CMTM4: variants seen among roughly 807,000 people sequenced by gnomAD.
The protein encoded by CMTM4 is CKLF-like MARVEL transmembrane domain-containing protein 4.
A neutral mutation model predicts 19.0 loss-of-function variants in CMTM4; 8 were observed. The observed-to-expected ratio is 0.42, with a 90% CI of 0.25 to 0.76. The LOEUF is 0.76. Ranked by LOEUF, CMTM4 falls within the 30% of genes least tolerant of loss-of-function variation. The pLI is 0.27. For missense variants in CMTM4, 228 were observed against 290.2 expected (o/e 0.79, Z 1.56); for synonymous variants, 106 against 121.1 (o/e 0.88, Z 0.82).
downstream of CMTM4, chr16:66,613,349 A>G (rs1365350543): frequency 1.7e-5 from 9 of 533,334 alleles, no homozygotes; most frequent in Non-Finnish European, 3.4e-6. Flanking sequence ...CAGAGGGTAC[A>G]ACAGTGGCAT....
intron 1 of CMTM4, among the ~76,000 whole-genome samples, chr16:66,680,818 A>G (rs2016901216): frequency 7.4e-6 from 1 of 135,538 alleles, no homozygotes; most frequent in Admixed American, 7.9e-5. Flanking sequence ...GGCCACCTCC[A>G]CCTCTTAACT....
chr16:66,688,123 A>G (rs897123897), intron 1 of CMTM4, among the ~76,000 whole-genome samples: 2 of 152,160 alleles, frequency 1.3e-5, no homozygotes, highest in South Asian at 2.1e-4. Context: ...GTGTCCTCAC[A>G]TGGCAGAATG....
chr16:66,627,988 CAT>C (rs1335179791), intron 2 of CMTM4, among the ~76,000 whole-genome samples: 1 of 152,150 alleles, frequency 6.6e-6, no homozygotes, highest in African/African-American at 2.4e-5. Context: ...GCAAAAAAAA[CAT>C]GTGAGCAAAG....
chr16:66,690,969 T>C (rs1016002911), intron 1 of CMTM4, among the ~76,000 whole-genome samples: 3 of 150,982 alleles, frequency 2.0e-5, no homozygotes, highest in African/African-American at 7.3e-5. Context: ...AAAAAAAAAA[T>C]AGCAGGGCAT....
At chr16:66,631,975 C>T (rs1245672695) in intron 2 of CMTM4, among the ~76,000 whole-genome samples, 1 of 152,204 alleles carries the variant, frequency 6.6e-6, no homozygotes, top group African/African-American at 2.4e-5. Flanking sequence ...CAAGACGAGT[C>T]ACGCCCTAGG....
In CMTM4 at chr16:66,618,782, G is replaced by T; in HGVS notation, c.*3276C>A. ...TCAACTGAGTCACGAAGCTGTCCCA[G>T]AAGCACCCGACATAGGGTGGAGGTC... On this transcript the variant is annotated 3_prime_UTR_variant, in exon 4 of 4. Transcript: ENST00000394106. 1.0e-6 allele frequency: 1 copy of T among 985,484 alleles called. No individual in the cohort carries two copies. Among genetic ancestry groups the T allele is most frequent in the Middle Eastern group, 5.2e-4 (1 of 1,914 alleles). 61.0% of individuals were successfully genotyped at this position (985,484 alleles called of 1,614,324 possible). A position where few individuals can be genotyped will look rare whatever the true frequency, so the allele number is the denominator to read the frequency against.
intron 1 of CMTM4, among the ~76,000 whole-genome samples, chr16:66,694,016 A>C (rs1486516774): frequency 6.6e-6 from 1 of 151,862 alleles, no homozygotes; most frequent in African/African-American, 2.4e-5. Flanking sequence ...AGTTAGACCC[A>C]GTGTTTAAAA....
intron 1 of CMTM4, among the ~76,000 whole-genome samples, chr16:66,645,211 G>C (rs1393077556): frequency 6.6e-6 from 1 of 152,020 alleles, no homozygotes; most frequent in Non-Finnish European, 1.5e-5. Flanking sequence ...TTGAACCTGG[G>C]AGGCGGAGGT....
downstream of CMTM4, chr16:66,612,867 T>G: frequency 1.6e-6 from 1 of 610,044 alleles, no homozygotes; most frequent in Non-Finnish European, 2.9e-6. The surrounding 1 kb of genome is among the most constrained non-coding windows in gnomAD (Gnocchi z 6.0). Flanking sequence ...GGTATCCCAC[T>G]CCTTCTCCCC....
intron 2 of CMTM4, among the ~76,000 whole-genome samples, chr16:66,627,051 G>A (rs569597207): frequency 3.3e-5 from 5 of 152,092 alleles, no homozygotes; most frequent in South Asian, 4.2e-4. Context: ...TGCAGTGAGC[G>A]GAGACTGCGC....
intron 1 of CMTM4, among the ~76,000 whole-genome samples, chr16:66,691,387 G>C (rs1178774979): frequency 6.6e-6 from 1 of 152,104 alleles, no homozygotes; most frequent in East Asian, 1.9e-4. Flanking sequence ...CCAACTAAGA[G>C]ATACGTACAG....
chr16:66,649,117 C>T (rs1031748212), intron 1 of CMTM4, among the ~76,000 whole-genome samples: 2 of 152,186 alleles, frequency 1.3e-5, no homozygotes, highest in Non-Finnish European at 2.9e-5. Flanking sequence ...GCAGGAGGAT[C>T]GCCTGTGCCC....
chr16:66,693,159 G>A (rs938355922), intron 1 of CMTM4, among the ~76,000 whole-genome samples: 1 of 152,118 alleles, frequency 6.6e-6, no homozygotes, highest in African/African-American at 2.4e-5. Context: ...AGGAGGCGGA[G>A]ATTGCAGTTA....
At chr16:66,658,864 C>T (rs1567420037) in intron 1 of CMTM4, among the ~76,000 whole-genome samples, 2 of 152,110 alleles carry the variant, frequency 1.3e-5, no homozygotes, top group Non-Finnish European at 1.5e-5. Context: ...TTAAAGCCAC[C>T]GATGCGGAAT....
chr16:66,633,104 T>TATATATATATATAA (rs957560916), intron 2 of CMTM4, among the ~76,000 whole-genome samples: 2 of 24,800 alleles, frequency 8.1e-5, no homozygotes, highest in African/African-American at 9.9e-5. Flanking sequence ...TATATATAAA[T>TATATATATATATAA]ATATATATAT....
chr16:66,639,469 T>G (rs1596921533), intron 1 of CMTM4, among the ~76,000 whole-genome samples: 1 of 150,594 alleles, frequency 6.6e-6, no homozygotes, highest in Admixed American at 6.6e-5. Flanking sequence ...AAAGGAGTTG[T>G]TTTTTTTTAA....
chr16:66,694,765 A>G lies in CMTM4; in HGVS notation c.186+1575T>C, dbSNP rs79639575. The stretch of plus-strand genomic sequence containing the variant: ...TTGCACACCTCCCTTCACCTCCTAC[A>G]TTCTCTTTGCTAACAGCAACGCCAA... On this transcript the variant is annotated intron_variant, in intron 1 of 3. Coordinates refer to ENST00000394106, the MANE Select transcript of CMTM4 (RefSeq NM_181521.3). Among the ~76,000 whole-genome samples the G allele has an allele frequency of 9.4e-3, 1,431 of 151,744 alleles. 75 individuals are homozygous for G. In the East Asian group the frequency reaches 0.15, roughly 16 times the overall value.
chr16:66,687,396 T>C (rs1185264137), intron 1 of CMTM4, among the ~76,000 whole-genome samples: 1 of 152,190 alleles, frequency 6.6e-6, no homozygotes, highest in Non-Finnish European at 1.5e-5. Flanking sequence ...CTGGGAGCAG[T>C]GGCTCATGCC....
chr16:66,604,745 T>C, the CMTM4 span: 1 of 1,191,784 alleles, frequency 8.4e-7, no homozygotes, highest in Non-Finnish European at 1.0e-6. Context: ...GGTTTCCGCT[T>C]CCCTCCGGGC....
Sources: gnomAD v4.1 joint callset for allele counts (sites outside exome capture counted in the v4.1 genomes callset) on GRCh38, gnomAD v4.1.1 for gene constraint, Gnocchi (gnomAD v3.1) non-coding constraint, MANE v1.5 for transcripts, NCBI Gene and HGNC (gene_info 2026-07-23, HGNC 2026-07-21) for gene names.